Variants in HELZ observed in about 807,000 individuals in gnomAD.
HELZ encodes ATP-dependent RNA helicase with zinc finger domain.
In HELZ, 23 loss-of-function variants were observed where a neutral mutation model predicts 218.2. The ratio of observed to expected loss-of-function variants is 0.11; its 90% confidence interval spans 0.08 to 0.15. The LOEUF is 0.15. HELZ is among the 10% of genes least tolerant of loss of function. The pLI is 1.00. For missense variants in HELZ, 1,813 were observed against 2,353.7 expected (o/e 0.77, Z 4.75); for synonymous variants, 814 against 829.4 (o/e 0.98, Z 0.32).
chr17:67,205,189 G>C (rs573617763), intron 5 of HELZ, among the ~76,000 whole-genome samples: 9 of 152,104 alleles, frequency 5.9e-5, no homozygotes, highest in African/African-American at 2.2e-4. Context: ...TAGCGGGCAT[G>C]GTGGCAGGCA....
chr17:67,219,629 G>C (rs1229945365), intron 3 of HELZ, among the ~76,000 whole-genome samples: 3 of 144,814 alleles, frequency 2.1e-5, no homozygotes, highest in Admixed American at 6.8e-5. Flanking sequence ...CATCAGAGGA[G>C]TAAGAGAAGC....
upstream of HELZ, chr17:67,245,540 C>G: frequency 1.0e-6 from 1 of 983,760 alleles, no homozygotes; most frequent in Non-Finnish European, 1.2e-6. Context: ...CCGCCCGCGG[C>G]GCGGCGCGGA....
In HELZ at chr17:67,098,564, G is replaced by A. The variant is rs139742439; in HGVS notation, c.5241+8605C>T. Among the ~76,000 whole-genome samples, 811 of 148,526 alleles carry A rather than the reference G, an allele frequency of 5.5e-3. 4 individuals carry two copies. Among genetic ancestry groups the A allele is most frequent in the African/African-American group, 0.019 (767 of 40,402 alleles). On this transcript the variant is annotated intron_variant, in intron 31 of 32. Coordinates refer to ENST00000358691, the MANE Select transcript of HELZ (RefSeq NM_014877.4). ...AGCCTGGCCAACGTGGTGAAATCCC[G>A]TCTCTACTAAAAAAAAAAAAAAAAG... is the stretch of plus-strand genomic sequence containing the variant.
intron 28 of HELZ, 139 bp from the exon 29 acceptor site, chr17:67,109,825 ACTTT>A: frequency 1.8e-6 from 1 of 568,266 alleles, no homozygotes; most frequent in Non-Finnish European, 2.9e-6. Flanking sequence ...TCAATTATTT[ACTTT>A]CTCACAATCA....
intron 17 of HELZ, among the ~76,000 whole-genome samples, chr17:67,151,467 A>G (rs2038680777): frequency 6.6e-6 from 1 of 152,168 alleles, no homozygotes; most frequent in African/African-American, 2.4e-5. Flanking sequence ...ATAAACACCT[A>G]ATTATTTTTA....
At chr17:67,131,729 A>C (rs1417863228) in intron 23 of HELZ, among the ~76,000 whole-genome samples, 3 of 152,114 alleles carry the variant, frequency 2.0e-5, no homozygotes, top group Non-Finnish European at 2.9e-5. Context: ...CACTACTATT[A>C]TTATTATTCC....
At chr17:67,128,467 C>T in intron 24 of HELZ, 184 bp downstream of exon 24, 1 of 630,718 alleles carries the variant, frequency 1.6e-6, no homozygotes, top group Non-Finnish European at 2.9e-6. Context: ...TTAAGCATGA[C>T]TAAACACCAT....
intron 31 of HELZ, among the ~76,000 whole-genome samples, chr17:67,105,406 A>G (rs1009735612): frequency 2.0e-5 from 3 of 152,186 alleles, no homozygotes; most frequent in Non-Finnish European, 4.4e-5. Flanking sequence ...TTTTTATGAA[A>G]TGTCTCCATA....
chr17:67,233,687 C>T (rs1026249822), intron 3 of HELZ, among the ~76,000 whole-genome samples: 5 of 152,126 alleles, frequency 3.3e-5, no homozygotes, highest in African/African-American at 1.2e-4. Context: ...GCTCCTTAAA[C>T]TCAACACAAT....
intron 4 of HELZ, among the ~76,000 whole-genome samples, chr17:67,217,488 A>G (rs998974046): frequency 1.2e-4 from 19 of 152,138 alleles, no homozygotes; most frequent in Non-Finnish European, 2.5e-4. Context: ...AAAGTCAAAC[A>G]ATTTCTGTTA....
At chr17:67,118,555 G>C (rs1044796212) in intron 27 of HELZ, among the ~76,000 whole-genome samples, 2 of 151,852 alleles carry the variant, frequency 1.3e-5, no homozygotes, top group Non-Finnish European at 2.9e-5. Flanking sequence ...GAAAGATACT[G>C]TTAAGAAAAT....
At chr17:67,190,385 A>G (rs764741073) in intron 9 of HELZ, 30 bp from the exon 10 acceptor site, 6 of 1,531,638 alleles carry the variant, frequency 3.9e-6, no homozygotes, top group Non-Finnish European at 5.4e-6. Context: ...CTGTTTTATC[A>G]TATACTTTGT....
At chr17:67,137,902 T>A in intron 22 of HELZ, 29 bp downstream of exon 22, 1 of 1,521,924 alleles carries the variant, frequency 6.6e-7, no homozygotes, top group Non-Finnish European at 9.0e-7. Flanking sequence ...AGCATTTGAA[T>A]GACTGAATTC....
At chr17:67,094,177 C>T (rs1473099602) in intron 31 of HELZ, among the ~76,000 whole-genome samples, 2 of 152,042 alleles carry the variant, frequency 1.3e-5, no homozygotes, top group African/African-American at 2.4e-5. Context: ...CAAAATTTAG[C>T]TGGGTGTGGT....
chr17:67,074,685 C>A lies in HELZ; in HGVS notation c.*3567G>T, dbSNP rs114742963. On this transcript the variant is annotated 3_prime_UTR_variant, in exon 33 of 33. Transcript: ENST00000358691. ...ATTAGCTTTCTCAGCAGCTCCAATG[C>A]CTCCATAAAAAAGGAGAGTATTTTC... 327 of 152,130 alleles carry A rather than the reference C, an allele frequency of 2.1e-3. 1 individual carries two copies. The highest frequency in any genetic ancestry group is 7.3e-3 in the African/African-American group (304 of 41,510). The allele number at this position is 152,130 out of a possible 1,614,324, so 9.4% of individuals were successfully genotyped here. A position where few individuals can be genotyped will look rare whatever the true frequency, so the allele number is the denominator to read the frequency against.
chr17:67,169,026 A>G (rs1481253022), intron 13 of HELZ, among the ~76,000 whole-genome samples: 1 of 152,126 alleles, frequency 6.6e-6, no homozygotes, highest in Non-Finnish European at 1.5e-5. Context: ...CAGGAGGTGG[A>G]GGTTGCAGTA....
At chr17:67,195,821 TAC>T (rs2040007703) in intron 7 of HELZ, among the ~76,000 whole-genome samples, 1 of 148,836 alleles carries the variant, frequency 6.7e-6, no homozygotes, top group Non-Finnish European at 1.5e-5. Context: ...AATGTCTGAT[TAC>T]AGAGGTTTCT....
chr17:67,179,007 A>C, intron 12 of HELZ, 81 bp from the exon 13 acceptor site: 5 of 926,546 alleles, frequency 5.4e-6, no homozygotes, highest in Non-Finnish European at 6.3e-6. Flanking sequence ...TAACTATATT[A>C]CATATTTTTG....
At chr17:67,179,029 T>C in intron 12 of HELZ, 103 bp from the exon 13 acceptor site, 1 of 724,588 alleles carries the variant, frequency 1.4e-6, no homozygotes, top group Non-Finnish European at 2.2e-6. Context: ...ATGAGAATTG[T>C]ATATGCTAGA....
Sources: gnomAD v4.1 joint callset for allele counts (sites outside exome capture counted in the v4.1 genomes callset) on GRCh38, gnomAD v4.1.1 for gene constraint, MANE v1.5 for transcripts, NCBI Gene and HGNC (gene_info 2026-07-23, HGNC 2026-07-21) for gene names.